Variants in MGAT5 observed in about 807,000 individuals in gnomAD.
The protein encoded by MGAT5 is alpha-1,6-mannosylglycoprotein 6-beta-N-acetylglucosaminyltransferase A.
A neutral mutation model predicts 94.3 loss-of-function variants in MGAT5; 30 were observed. The observed-to-expected ratio is 0.32, with a 90% CI of 0.24 to 0.43. MGAT5 has a LOEUF of 0.43. Among genes scored for constraint, MGAT5 ranks in the 20% least tolerant of loss-of-function variants. The pLI is 1.00. For missense variants in MGAT5, 691 were observed against 905.5 expected (o/e 0.76, Z 3.04); for synonymous variants, 310 against 322.9 (o/e 0.96, Z 0.43).
chr2:134,403,270 C>T lies in MGAT5; in HGVS notation c.1530+133C>T. 3 of 799,886 alleles carry T rather than the reference C, an allele frequency of 3.8e-6. No homozygotes were observed. The Admixed American group carries it at 1.1e-4, about 29-fold the overall frequency. 49.5% of individuals were successfully genotyped at this position (799,886 alleles called of 1,614,324 possible). On this transcript the variant is annotated intron_variant, in intron 11 of 15. Transcript: ENST00000281923. ...TATTTTGGGGCAGCAGTTTGCTAGA[C>T]CAATGGCAGCTGAAAAGTAAGTGAA...
At chr2:134,253,903 G>A (rs1029671208), upstream of MGAT5, among the ~76,000 whole-genome samples, 1 of 152,184 alleles carries the variant, frequency 6.6e-6, no homozygotes, top group Non-Finnish European at 1.5e-5. Flanking sequence ...GCACACAAAA[G>A]GGCCTGATGG....
intron 1 of MGAT5, among the ~76,000 whole-genome samples, chr2:134,194,935 G>A (rs1679426140): frequency 6.6e-6 from 1 of 152,190 alleles, no homozygotes; most frequent in South Asian, 2.1e-4. Flanking sequence ...GAAGTTGGGT[G>A]CTCTTTTACT....
intron 2 of MGAT5, among the ~76,000 whole-genome samples, chr2:134,305,953 TAAATC>T (rs1686303138): frequency 6.6e-6 from 1 of 152,210 alleles, no homozygotes; most frequent in Non-Finnish European, 1.5e-5. Context: ...TATATTTTCT[TAAATC>T]AAAATTGACA....
intron 2 of MGAT5, among the ~76,000 whole-genome samples, chr2:134,294,294 T>C (rs538329306): frequency 1.3e-5 from 2 of 152,328 alleles, no homozygotes; most frequent in South Asian, 2.1e-4. Flanking sequence ...TTTCAGTGTT[T>C]TTATTTTTAT....
rs116681848 is a variant in MGAT5 at position 134,141,619 on chromosome 2, T to C, written c.-143+21328T>C. Among the ~76,000 whole-genome samples the C allele has an allele frequency of 8.5e-3, 1,295 of 152,188 alleles. 16 individuals carry two copies. Among genetic ancestry groups the C allele is most frequent in the African/African-American group, 0.03 (1,240 of 41,516 alleles). On this transcript the variant is annotated intron_variant, in intron 1 of 16. Coordinates refer to the MGAT5 transcript ENST00000409645. ...ACAGACTCACACTAATGTCAGTGAGTTGCAGGCAGGGAGGGGGCTTAGTCC... is the reference window on the plus strand; with the variant it reads ...ACAGACTCACACTAATGTCAGTGAGCTGCAGGCAGGGAGGGGGCTTAGTCC...
chr2:134,433,766 T>C (rs924798178), intron 14 of MGAT5, among the ~76,000 whole-genome samples: 1 of 151,990 alleles, frequency 6.6e-6, no homozygotes, highest in East Asian at 1.9e-4. Flanking sequence ...AATATGTGCC[T>C]TATCCCTCAA....
intron 1 of MGAT5, among the ~76,000 whole-genome samples, chr2:134,219,103 G>C (rs1680631122): frequency 6.6e-6 from 1 of 152,186 alleles, no homozygotes; most frequent in Non-Finnish European, 1.5e-5. Context: ...GGAGGTGTGA[G>C]TGCGGTGGAG....
chr2:134,227,185 CT>C (rs1681109463), intron 1 of MGAT5, among the ~76,000 whole-genome samples: 1 of 152,196 alleles, frequency 6.6e-6, no homozygotes, highest in Non-Finnish European at 1.5e-5. Context: ...ATCCCATACT[CT>C]TTCCCACTGA....
intron 10 of MGAT5, among the ~76,000 whole-genome samples, chr2:134,389,003 G>A (rs1365493885): frequency 5.3e-5 from 8 of 151,318 alleles, no homozygotes; most frequent in African/African-American, 9.7e-5. Context: ...TCCAGTGATC[G>A]GCCTGCCTCG....
At chr2:134,312,211 G>T (rs1374017941) in intron 2 of MGAT5, among the ~76,000 whole-genome samples, 2 of 152,130 alleles carry the variant, frequency 1.3e-5, no homozygotes, top group Non-Finnish European at 2.9e-5. Flanking sequence ...TCCAACCTAG[G>T]TGACAGAGCC....
At chr2:134,384,294 C>T (rs970953428) in intron 10 of MGAT5, among the ~76,000 whole-genome samples, 35 of 151,772 alleles carry the variant, frequency 2.3e-4, no homozygotes, top group Non-Finnish European at 3.7e-4. Flanking sequence ...TCTCTCTCTC[C>T]GGGCATACAA....
At chr2:134,277,014 T>G (rs1378000668) in intron 2 of MGAT5, among the ~76,000 whole-genome samples, 1 of 152,158 alleles carries the variant, frequency 6.6e-6, no homozygotes, top group Non-Finnish European at 1.5e-5. Context: ...CAAGGTTCCA[T>G]GAGGACTGTA....
intron 1 of MGAT5, among the ~76,000 whole-genome samples, chr2:134,128,507 G>A (rs1685959731): frequency 6.6e-6 from 1 of 152,042 alleles, no homozygotes; most frequent in African/African-American, 2.4e-5. Context: ...TTCTATGATA[G>A]TGCCTTTTCT....
chr2:134,194,413 C>T (rs1437255180), intron 1 of MGAT5, among the ~76,000 whole-genome samples: 2 of 152,134 alleles, frequency 1.3e-5, no homozygotes, highest in Non-Finnish European at 2.9e-5. Flanking sequence ...CAGTTTTCCA[C>T]ATGTATTCTT....
chr2:134,135,447 A>C (rs1302204292), intron 1 of MGAT5, among the ~76,000 whole-genome samples: 1 of 152,104 alleles, frequency 6.6e-6, no homozygotes, highest in Non-Finnish European at 1.5e-5. Context: ...TAATCCCAGC[A>C]CTTTGGGAGG....
At chr2:134,177,144 C>CGTGTGTGTGTTTGTGTGTGTGT (rs1688504699) in intron 1 of MGAT5, among the ~76,000 whole-genome samples, 2 of 142,530 alleles carry the variant, frequency 1.4e-5, no homozygotes, top group Non-Finnish European at 3.0e-5. Flanking sequence ...CAAATGAACC[C>CGTGTGTGTGTTTGTGTGTGTGT]GTGTGTGTGT....
chr2:134,151,355 A>T (rs1041759997), intron 1 of MGAT5, among the ~76,000 whole-genome samples: 1 of 128,602 alleles, frequency 7.8e-6, no homozygotes, highest in Non-Finnish European at 1.6e-5. Flanking sequence ...CCGCCATGGG[A>T]CCTCACTCAC....
intron 2 of MGAT5, among the ~76,000 whole-genome samples, chr2:134,281,736 T>C (rs1684708889): frequency 6.6e-6 from 1 of 152,226 alleles, no homozygotes; most frequent in Admixed American, 6.5e-5. Context: ...GGGGAACTCC[T>C]GTGCGGGAGT....
chr2:134,446,371 T>C (rs946159998), intron 15 of MGAT5, among the ~76,000 whole-genome samples: 1 of 151,962 alleles, frequency 6.6e-6, no homozygotes, highest in African/African-American at 2.4e-5. Flanking sequence ...GAGATTTCTA[T>C]GCTCTGGTTA....
Sources: allele counts gnomAD v4.1 joint callset (sites outside exome capture counted in the v4.1 genomes callset), GRCh38; gene constraint gnomAD v4.1.1; transcripts MANE v1.5; gene names NCBI Gene and HGNC (gene_info 2026-07-23, HGNC 2026-07-21).